The following GLIS3 variants were observed in gnomAD, a reference collection of about 807,000 sequenced individuals.
GLIS3 encodes the protein GLIS family zinc finger 3.
Under a neutral mutation model 78.6 loss-of-function variants are expected in GLIS3, and 53 were observed. The observed-to-expected ratio is 0.67, with a 90% CI of 0.54 to 0.85. GLIS3 has a LOEUF of 0.85. GLIS3 is among the 40% of genes least tolerant of loss of function. The pLI, the probability that GLIS3 is intolerant of heterozygous loss-of-function variation, is 0.00. For missense variants in GLIS3, 1,703 were observed against 1,231.1 expected, an observed-to-expected ratio of 1.38 and a Z score of -5.74; for synonymous variants, 684 against 509.9, an observed-to-expected ratio of 1.34 and a Z score of -4.60.
intron 2 of GLIS3, among the ~76,000 whole-genome samples, chr9:4,217,527 G>A (rs370876726): frequency 1.1e-3 from 171 of 152,220 alleles, no homozygotes; most frequent in African/African-American, 3.9e-3. Context: ...GGTATCATCT[G>A]CCTATAAAGA....
At chr9:4,053,513 A>C (rs1825889657) in intron 4 of GLIS3, among the ~76,000 whole-genome samples, 1 of 152,034 alleles carries the variant, frequency 6.6e-6, no homozygotes, top group Non-Finnish European at 1.5e-5. Flanking sequence ...TTCTAGACTT[A>C]AACTCCACGA....
At chr9:4,128,650 A>G (rs1212838074) in intron 2 of GLIS3, among the ~76,000 whole-genome samples, 2 of 152,230 alleles carry the variant, frequency 1.3e-5, no homozygotes, top group African/African-American at 4.8e-5. Context: ...GTCTCTCCAC[A>G]TAATTGCTAA....
the GLIS3 span, among the ~76,000 whole-genome samples, chr9:4,393,449 T>C: frequency 6.6e-6 from 1 of 152,208 alleles, no homozygotes; most frequent in Admixed American, 6.5e-5. Flanking sequence ...CATTAGCTAA[T>C]CCACGTTCCA....
At chr9:4,008,869 G>A (rs981086481) in intron 4 of GLIS3, among the ~76,000 whole-genome samples, 1 of 151,972 alleles carries the variant, frequency 6.6e-6, no homozygotes, top group African/African-American at 2.4e-5. Flanking sequence ...GAAGTGAGGT[G>A]CATAACACGG....
intron 4 of GLIS3, among the ~76,000 whole-genome samples, chr9:3,952,272 C>G (rs12685230): frequency 0.58 from 88,565 of 151,880 alleles, 26,474 homozygotes; most frequent in African/African-American, 0.7. Context: ...AGGTTTACTT[C>G]TTGGTCACCT....
intron 4 of GLIS3, among the ~76,000 whole-genome samples, chr9:4,104,135 A>C (rs1206374875): frequency 6.6e-6 from 1 of 152,142 alleles, no homozygotes; most frequent in Non-Finnish European, 1.5e-5. Context: ...AGGTGGTCCC[A>C]AAAATGGCAT....
intron 2 of GLIS3, among the ~76,000 whole-genome samples, chr9:4,251,448 T>C (rs1243720381): frequency 6.6e-6 from 1 of 151,132 alleles, no homozygotes; most frequent in African/African-American, 2.4e-5. Context: ...TTTTTTTTGC[T>C]TTCCATTTGC....
At chr9:4,047,223 C>G (rs1319758937) in intron 4 of GLIS3, among the ~76,000 whole-genome samples, 2 of 152,114 alleles carry the variant, frequency 1.3e-5, no homozygotes, top group Non-Finnish European at 2.9e-5. Flanking sequence ...TCGCCTGCCA[C>G]CAGCTAAGAC....
At chr9:4,430,128 T>A in the GLIS3 span, among the ~76,000 whole-genome samples, 100 of 152,082 alleles carry the variant, frequency 6.6e-4, no homozygotes, top group Admixed American at 7.2e-4. Flanking sequence ...CCTACAGATG[T>A]CAGAAAAGTA....
chr9:4,142,421 A>G (rs1253628557), intron 2 of GLIS3, among the ~76,000 whole-genome samples: 1 of 152,204 alleles, frequency 6.6e-6, no homozygotes, highest in Non-Finnish European at 1.5e-5. Context: ...TCCTTTCCTA[A>G]TTATCAAAGA....
chr9:3,882,191 C>A (rs1266063006), intron 7 of GLIS3, among the ~76,000 whole-genome samples: 2 of 151,440 alleles, frequency 1.3e-5, no homozygotes, highest in Non-Finnish European at 2.9e-5. Context: ...AGTTCATGTT[C>A]ATTGAGTAAA....
intron 2 of GLIS3, among the ~76,000 whole-genome samples, chr9:4,138,777 G>A (rs532251754): frequency 4.6e-5 from 7 of 152,236 alleles, no homozygotes; most frequent in South Asian, 4.1e-4. Context: ...AATAAGTCAC[G>A]TATGTAGACC....
chr9:4,349,584 T>G (rs1039099580), upstream of GLIS3, among the ~76,000 whole-genome samples: 3 of 152,138 alleles, frequency 2.0e-5, no homozygotes, highest in Admixed American at 2.0e-4. Context: ...CTTTGTTAAT[T>G]TAGATTGCAT....
chr9:3,871,792 A>G (rs1030738087), intron 8 of GLIS3, among the ~76,000 whole-genome samples: 1 of 152,172 alleles, frequency 6.6e-6, no homozygotes, highest in Non-Finnish European at 1.5e-5. Context: ...GATGCACTGG[A>G]GACATTTTCC....
intron 2 of GLIS3, among the ~76,000 whole-genome samples, chr9:4,311,815 A>C (rs1817364443): frequency 6.6e-6 from 1 of 152,246 alleles, no homozygotes; most frequent in Non-Finnish European, 1.5e-5. Context: ...GTTAGGTGAC[A>C]GGAATTCAGT....
At chr9:4,354,768 C>A in the GLIS3 span, among the ~76,000 whole-genome samples, 11 of 152,184 alleles carry the variant, frequency 7.2e-5, no homozygotes, top group Non-Finnish European at 1.6e-4. Flanking sequence ...CATGCTACCC[C>A]AAATTCCACC....
chr9:4,407,896 G>A, the GLIS3 span, among the ~76,000 whole-genome samples: 2 of 151,876 alleles, frequency 1.3e-5, no homozygotes, highest in Middle Eastern at 3.2e-3. Context: ...GAATATATAA[G>A]GAGCTCAAAC....
chr9:4,371,426 C>G, the GLIS3 span, among the ~76,000 whole-genome samples: 1 of 152,216 alleles, frequency 6.6e-6, no homozygotes, highest in Non-Finnish European at 1.5e-5. Context: ...TAAGCCTTTC[C>G]TTTGAACTTC....
chr9:4,239,489 C>T (rs560204425), intron 2 of GLIS3, among the ~76,000 whole-genome samples: 1 of 152,162 alleles, frequency 6.6e-6, no homozygotes, highest in South Asian at 2.1e-4. Flanking sequence ...CTAGAGCAAA[C>T]TCTACTTCAT....
Sources: allele counts gnomAD v4.1 joint callset (sites outside exome capture counted in the v4.1 genomes callset), GRCh38; gene constraint gnomAD v4.1.1; transcripts MANE v1.5; gene names NCBI Gene and HGNC (gene_info 2026-07-23, HGNC 2026-07-21).